Variants in OR1R1 observed in about 807,000 individuals in gnomAD.
OR1R1 encodes the protein olfactory receptor family 1 subfamily R member 1.
the OR1R1 span, chr17:3,386,390 T>C: frequency 1.3e-5 from 5 of 398,272 alleles, no homozygotes; most frequent in East Asian, 3.6e-5. Flanking sequence ...GTGACGCACC[T>C]GCACTCGCTG....
chr17:3,386,863 C>T, the OR1R1 span: 1 of 398,576 alleles, frequency 2.5e-6, no homozygotes, highest in Non-Finnish European at 4.4e-6. Flanking sequence ...GGCTGCACCC[C>T]AAGAGGCGTG....
At chr17:3,386,416 C>T in the OR1R1 span, 6 of 398,452 alleles carry the variant, frequency 1.5e-5, no homozygotes, top group Admixed American at 8.8e-5. Context: ...CACGCTGCTC[C>T]TCTCCGCGCT....
the OR1R1 span, chr17:3,385,986 C>CGT: frequency 2.8e-6 from 1 of 358,880 alleles, no homozygotes; most frequent in Non-Finnish European, 4.8e-6. Context: ...GCCTGGTGGA[C>CGT]GGAACAGACG....
the OR1R1 span, chr17:3,386,174 T>C: frequency 2.5e-6 from 1 of 398,778 alleles, no homozygotes; most frequent in Non-Finnish European, 4.4e-6. Context: ...CCCAGGCTGC[T>C]GGCCGGCCTG....
chr17:3,386,371 T>C, the OR1R1 span: 25 of 398,090 alleles, frequency 6.3e-5, no homozygotes, highest in South Asian at 1.3e-4. Context: ...GGTGCGTGCG[T>C]CGTGGGCCGT....
At chr17:3,386,124 C>T in the OR1R1 span, 1 of 398,910 alleles carries the variant, frequency 2.5e-6, no homozygotes, top group South Asian at 1.3e-4. Context: ...TCTTGGGTCA[C>T]CTGAGCCTCG....
the OR1R1 span, chr17:3,386,284 T>G: frequency 2.5e-6 from 1 of 398,408 alleles, no homozygotes; most frequent in Non-Finnish European, 4.4e-6. Flanking sequence ...GGCGGCCATG[T>G]CCTACGACCG....
the OR1R1 span, chr17:3,386,234 ACTT>A: frequency 7.5e-6 from 3 of 398,210 alleles, no homozygotes; most frequent in Non-Finnish European, 1.3e-5. Context: ...GCCGAGATGT[ACTT>A]CTTCGTGGCT....
At chr17:3,386,674 G>A in the OR1R1 span, 2 of 398,764 alleles carry the variant, frequency 5.0e-6, no homozygotes, top group Non-Finnish European at 8.8e-6. Flanking sequence ...GGTGGCGGTG[G>A]CGCTTTTCTT....
At chr17:3,386,612 T>C in the OR1R1 span, 1 of 398,634 alleles carries the variant, frequency 2.5e-6, no homozygotes, top group Admixed American at 4.4e-5. Context: ...GGTGCTCGGC[T>C]TGCCGGCGGC....
the OR1R1 span, chr17:3,386,574 C>T: frequency 2.5e-6 from 1 of 398,458 alleles, no homozygotes; most frequent in South Asian, 1.3e-4. Context: ...TCCTCGTGTT[C>T]CTTTTCCTAC....
chr17:3,386,140 G>A, the OR1R1 span: 1 of 398,860 alleles, frequency 2.5e-6, no homozygotes. Context: ...CCTCGTGGAC[G>A]TCTGCTTTAC....
chr17:3,386,737 T>A, the OR1R1 span: 1 of 398,558 alleles, frequency 2.5e-6, no homozygotes, highest in South Asian at 1.3e-4. Context: ...CTCAGCCCGC[T>A]ACGACCGCCT....
the OR1R1 span, chr17:3,386,547 GGT>G: frequency 1.5e-5 from 6 of 398,322 alleles, no homozygotes; most frequent in Admixed American, 2.2e-4. Context: ...GCCTGGCCGT[GGT>G]GTTGGCCCCG....
At chr17:3,386,442 C>A in the OR1R1 span, 1 of 398,484 alleles carries the variant, frequency 2.5e-6, no homozygotes, top group Non-Finnish European at 4.4e-6. Flanking sequence ...ACCCCTACCC[C>A]ACCCCCGTGC....
the OR1R1 span, chr17:3,386,313 G>T: frequency 3.5e-5 from 14 of 398,184 alleles, no homozygotes; most frequent in Non-Finnish European, 5.8e-5. Context: ...CGGCGTGCCG[G>T]CCCCTGCGCT....
At chr17:3,386,557 C>T in the OR1R1 span, 1 of 398,342 alleles carries the variant, frequency 2.5e-6, no homozygotes, top group Admixed American at 4.4e-5. Context: ...GGTGTTGGCC[C>T]CGCTGCTCCT....
the OR1R1 span, chr17:3,386,041 A>C: frequency 2.5e-6 from 1 of 398,618 alleles, no homozygotes; most frequent in Non-Finnish European, 4.4e-6. Flanking sequence ...CTATCTGCTC[A>C]ACGCCCTGAG....
At chr17:3,386,430 C>T in the OR1R1 span, 2 of 398,488 alleles carry the variant, frequency 5.0e-6, no homozygotes, top group Non-Finnish European at 4.4e-6. Context: ...CCGCGCTCTC[C>T]TACCCCTACC....
Sources: allele counts gnomAD v4.1 joint callset, GRCh38; gene constraint gnomAD v4.1.1; transcripts MANE v1.5; gene names NCBI Gene and HGNC (gene_info 2026-07-23, HGNC 2026-07-21).